The following SLCO5A1 variants were observed in gnomAD, a reference collection of about 807,000 sequenced individuals.
SLCO5A1 encodes the protein organic anion transporter polypeptide-related protein 4.
A neutral mutation model predicts 65.1 loss-of-function variants in SLCO5A1; 39 were observed. The observed-to-expected ratio is 0.60, with a 90% CI of 0.46 to 0.78. SLCO5A1 has a LOEUF of 0.78. SLCO5A1 is among the 30% of genes least tolerant of loss of function. The pLI is 0.00. For missense variants in SLCO5A1, 1,029 were observed against 1,069.4 expected, an observed-to-expected ratio of 0.96 and a Z score of 0.53; for synonymous variants, 438 against 415.7, an observed-to-expected ratio of 1.05 and a Z score of -0.65.
intron 2 of SLCO5A1, among the ~76,000 whole-genome samples, chr8:69,762,502 G>A (rs888367749): frequency 1.3e-5 from 2 of 151,782 alleles, no homozygotes; most frequent in Admixed American, 6.6e-5. Context: ...TTTAATATAA[G>A]TGTTCAGACC....
chr8:69,831,998 C>A lies in SLCO5A1; in HGVS notation c.676G>T (p.Glu226Ter). 6.3e-7 allele frequency: 1 copy of A among 1,597,552 alleles called. No homozygotes were observed. The highest frequency in any genetic ancestry group is 8.5e-7 in the Non-Finnish European group (1 of 1,172,374). ...TCGTTGGGGGCCGAGGCGTTCAACT[C>A]TTGGATCTGGTAGGGGGGCGAGATG... Reference protein sequence around the residue: ...HFISPPYQIQELNASAPNDGL... With the variant: ...HFISPPYQIQ Residue 226 changes from glutamate (E) to a stop codon, truncating the protein, a stop_gained, in exon 2 of 10, where the codon GAG becomes TAG. Coordinates refer to ENST00000260126, the MANE Select transcript of SLCO5A1 (RefSeq NM_030958.3). LOFTEE classifies it high-confidence loss of function.
chr8:69,749,983 C>T (rs1407192546), intron 4 of SLCO5A1, among the ~76,000 whole-genome samples: 5 of 152,148 alleles, frequency 3.3e-5, no homozygotes, highest in African/African-American at 1.2e-4. Flanking sequence ...ACATTCCCAG[C>T]ACAAGCGTGG....
At chr8:69,695,674 T>G (rs1433301121) in intron 6 of SLCO5A1, among the ~76,000 whole-genome samples, 1 of 152,078 alleles carries the variant, frequency 6.6e-6, no homozygotes, top group Non-Finnish European at 1.5e-5. Flanking sequence ...GAGATTGACA[T>G]TATCACCAAT....
intron 4 of SLCO5A1, among the ~76,000 whole-genome samples, chr8:69,744,041 C>T (rs941575148): frequency 6.6e-6 from 1 of 152,140 alleles, no homozygotes; most frequent in East Asian, 1.9e-4. Flanking sequence ...GCTGCTGGGG[C>T]TTCTCCTCTC....
chr8:69,788,028 T>G (rs1327528107), intron 2 of SLCO5A1, among the ~76,000 whole-genome samples: 1 of 152,208 alleles, frequency 6.6e-6, no homozygotes, highest in Non-Finnish European at 1.5e-5. Flanking sequence ...TTGAATGACA[T>G]TTCTGTTCTT....
chr8:69,736,488 G>A (rs1256000601), intron 5 of SLCO5A1, among the ~76,000 whole-genome samples: 1 of 152,194 alleles, frequency 6.6e-6, no homozygotes, highest in Non-Finnish European at 1.5e-5. Context: ...GGATGATCTA[G>A]GCAGCTCTGC....
chr8:69,676,528 C>T (rs1450668679), intron 9 of SLCO5A1, 81 bp downstream of exon 9: 27 of 1,186,728 alleles, frequency 2.3e-5, no homozygotes, highest in African/African-American at 3.0e-5. Context: ...AATGACATGA[C>T]TTGCCATTTT....
rs922915825 is a variant in SLCO5A1, at chr8:69,667,077, CTT to C, written c.*5790_*5791del. On this transcript the variant is annotated 3_prime_UTR_variant, in exon 10 of 10. Coordinates refer to ENST00000260126, the MANE Select transcript of SLCO5A1 (RefSeq NM_030958.3). ...TCCAACACACTTTATTCATTTTTAA[CTT>C]TTTTCTTAATTTTCAATAATCAAGT... 2.0e-5 allele frequency: 3 copies of C among 152,096 alleles called. No individual in the cohort carries two copies. Among genetic ancestry groups the C allele is most frequent in the African/African-American group, 7.2e-5 (3 of 41,420 alleles). The allele number at this position is 152,096 out of a possible 1,614,324, so 9.4% of individuals were successfully genotyped here.
At chr8:69,750,617 C>T (rs532474251) in intron 4 of SLCO5A1, among the ~76,000 whole-genome samples, 50 of 152,284 alleles carry the variant, frequency 3.3e-4, no homozygotes, top group Middle Eastern at 6.8e-3. Flanking sequence ...CCTTTGCTCT[C>T]TCTGCCTGAA....
At position 69,806,172 on chromosome 8, in the gene SLCO5A1, A is replaced by G. The variant is rs115878667; in HGVS notation, c.907+25595T>C. Among the ~76,000 whole-genome samples the G allele has an allele frequency of 2.4e-3, 360 of 152,330 alleles. 4 individuals are homozygous for G. Among genetic ancestry groups the G allele is most frequent in the African/African-American group, 7.9e-3 (330 of 41,580 alleles). On this transcript the variant is annotated intron_variant, in intron 2 of 9. Coordinates refer to ENST00000260126, the MANE Select transcript of SLCO5A1 (RefSeq NM_030958.3). ...GTAAACTTCCACTCTAGGGTTTTTGATATCAGAATCGTGAACTAACATTAC... is the reference window on the plus strand; with the variant it reads ...GTAAACTTCCACTCTAGGGTTTTTGGTATCAGAATCGTGAACTAACATTAC...
At chr8:69,813,587 C>T (rs1397580765) in intron 2 of SLCO5A1, among the ~76,000 whole-genome samples, 1 of 152,128 alleles carries the variant, frequency 6.6e-6, no homozygotes, top group Non-Finnish European at 1.5e-5. Context: ...AAAAGGACTA[C>T]CTAACTCCCC....
intron 7 of SLCO5A1, 39 bp downstream of exon 7, chr8:69,682,145 G>A: frequency 6.3e-7 from 1 of 1,580,548 alleles, no homozygotes; most frequent in South Asian, 1.2e-5. Context: ...GTCACAGGAT[G>A]TTGGACTAAC....
chr8:69,755,932 G>T (rs1817521920), intron 3 of SLCO5A1, among the ~76,000 whole-genome samples: 3 of 152,154 alleles, frequency 2.0e-5, no homozygotes, highest in Admixed American at 1.3e-4. Flanking sequence ...AGTTCTGCTA[G>T]CATTGCTAAC....
At chr8:69,800,752 C>T (rs983677302) in intron 2 of SLCO5A1, among the ~76,000 whole-genome samples, 7 of 152,190 alleles carry the variant, frequency 4.6e-5, no homozygotes, top group Non-Finnish European at 1.0e-4. Flanking sequence ...GGGATATCTG[C>T]TCCATGACTT....
intron 2 of SLCO5A1, among the ~76,000 whole-genome samples, chr8:69,798,014 G>C (rs1358415692): frequency 1.3e-5 from 2 of 152,094 alleles, no homozygotes; most frequent in Non-Finnish European, 2.9e-5. Context: ...CTGCCGACAT[G>C]TGATGTCTCC....
intron 5 of SLCO5A1, among the ~76,000 whole-genome samples, chr8:69,720,106 T>C (rs145407413): frequency 4.6e-5 from 7 of 152,368 alleles, no homozygotes; most frequent in African/African-American, 1.7e-4. Context: ...CTCCCCTTAT[T>C]GCTCAGACCT....
intron 2 of SLCO5A1, among the ~76,000 whole-genome samples, chr8:69,787,022 A>G (rs1006941726): frequency 6.6e-6 from 1 of 152,238 alleles, no homozygotes. Context: ...TTTGTAACCC[A>G]GGGCTGAGCA....
chr8:69,707,162 A>T, intron 5 of SLCO5A1, among the ~76,000 whole-genome samples: 1 of 152,224 alleles, frequency 6.6e-6, no homozygotes, highest in Non-Finnish European at 1.5e-5. Context: ...TCAAAAAAAT[A>T]AAATAAAGAA....
chr8:69,826,753 T>C (rs1820935662), intron 2 of SLCO5A1, among the ~76,000 whole-genome samples: 1 of 152,100 alleles, frequency 6.6e-6, no homozygotes, highest in Non-Finnish European at 1.5e-5. Context: ...TCCTCAGGGA[T>C]CTAGAACTAG....
Sources: allele counts gnomAD v4.1 joint callset (sites outside exome capture counted in the v4.1 genomes callset), GRCh38; gene constraint gnomAD v4.1.1; transcripts MANE v1.5; gene names NCBI Gene and HGNC (gene_info 2026-07-23, HGNC 2026-07-21).